LDLRAD3: variants seen among roughly 807,000 people sequenced by gnomAD.
The protein encoded by LDLRAD3 is low-density lipoprotein receptor class A domain-containing protein 3.
Under a neutral mutation model 29.4 loss-of-function variants are expected in LDLRAD3, and 20 were observed. The ratio of observed to expected loss-of-function variants is 0.68; its 90% CI spans 0.48 to 0.99. The LOEUF is 0.99. LDLRAD3 is among the 50% of genes least tolerant of loss of function. LDLRAD3 has a pLI of 0.00. For missense variants in LDLRAD3, 420 were observed against 454.3 expected, an observed-to-expected ratio of 0.92 and a Z score of 0.69; for synonymous variants, 157 against 192.7, an observed-to-expected ratio of 0.81 and a Z score of 1.53.
At position 35,954,848 on chromosome 11, in the gene LDLRAD3, C is replaced by T. The variant is rs151206833; in HGVS notation, c.46+10704C>T. ...TGTGACATATCAAAAGGGTTTCTGA[C>T]AGGCTAATGAAAACTGCTATGCATC... On this transcript the variant is annotated intron_variant, in intron 1 of 5. Transcript: ENST00000315571. Among the ~76,000 whole-genome samples the T allele has an allele frequency of 4.5e-3, 693 of 152,322 alleles. 6 individuals carry two copies. Among genetic ancestry groups the T allele is most frequent in the African/African-American group, 0.016 (653 of 41,572 alleles).
At chr11:35,954,839 G>A (rs1479625394) in intron 1 of LDLRAD3, among the ~76,000 whole-genome samples, 1 of 152,122 alleles carries the variant, frequency 6.6e-6, no homozygotes, top group African/African-American at 2.4e-5. Context: ...ATATCAAAAG[G>A]GTTTCTGACA....
chr11:35,985,504 G>A (rs980331681), intron 1 of LDLRAD3, among the ~76,000 whole-genome samples: 3 of 152,072 alleles, frequency 2.0e-5, no homozygotes, highest in African/African-American at 7.2e-5. Flanking sequence ...TCAGTCTCTT[G>A]GTCCCTGAGG....
chr11:36,061,008 G>T (rs1479298054), intron 2 of LDLRAD3, among the ~76,000 whole-genome samples: 1 of 152,196 alleles, frequency 6.6e-6, no homozygotes, highest in African/African-American at 2.4e-5. Flanking sequence ...GTGCAGTGTT[G>T]GTAATCATTC....
intron 1 of LDLRAD3, among the ~76,000 whole-genome samples, chr11:35,950,736 C>A (rs1342786174): frequency 6.6e-6 from 1 of 152,126 alleles, no homozygotes; most frequent in Non-Finnish European, 1.5e-5. Context: ...GGGTGGCAAG[C>A]ACTGTACGTG....
chr11:36,179,221 C>A (rs1240506634), intron 4 of LDLRAD3, among the ~76,000 whole-genome samples: 1 of 152,092 alleles, frequency 6.6e-6, no homozygotes, highest in Non-Finnish European at 1.5e-5. Context: ...TGCCTGTAAT[C>A]CCAGCACTTT....
chr11:36,198,937 G>T (rs1855074987), intron 4 of LDLRAD3, among the ~76,000 whole-genome samples: 1 of 151,822 alleles, frequency 6.6e-6, no homozygotes, highest in Non-Finnish European at 1.5e-5. Context: ...GTCTCACTCT[G>T]TCGCCCAGGC....
intron 3 of LDLRAD3, among the ~76,000 whole-genome samples, chr11:36,085,865 C>T (rs1454759756): frequency 4.6e-5 from 7 of 151,976 alleles, no homozygotes; most frequent in Non-Finnish European, 5.9e-5. Context: ...GTGATCCGCC[C>T]GCCTCAGCCT....
At chr11:36,118,555 ACCTCATTTT>A (rs1853707306) in intron 4 of LDLRAD3, among the ~76,000 whole-genome samples, 1 of 151,884 alleles carries the variant, frequency 6.6e-6, no homozygotes. Context: ...GAAAAAAAAT[ACCTCATTTT>A]CTGCCAAGTA....
intron 4 of LDLRAD3, among the ~76,000 whole-genome samples, chr11:36,104,831 C>T (rs1378644685): frequency 1.3e-5 from 2 of 152,168 alleles, no homozygotes; most frequent in East Asian, 1.9e-4. Context: ...CCATAAGACT[C>T]CTGTCTGGTA....
intron 5 of LDLRAD3, 122 bp from the exon 6 acceptor site, chr11:36,229,038 A>G (rs1855536869): frequency 2.8e-6 from 2 of 726,700 alleles, no homozygotes; most frequent in South Asian, 1.7e-5. Flanking sequence ...GGAGGGAAAA[A>G]TCTCATTTCG....
intron 2 of LDLRAD3, among the ~76,000 whole-genome samples, chr11:36,053,610 A>G (rs1852561244): frequency 6.6e-6 from 1 of 152,238 alleles, no homozygotes; most frequent in African/African-American, 2.4e-5. Context: ...TGCCACTAGC[A>G]GCAGCAACAC....
chr11:35,966,357 G>A (rs911266091), intron 1 of LDLRAD3, among the ~76,000 whole-genome samples: 13 of 152,196 alleles, frequency 8.5e-5, no homozygotes, highest in African/African-American at 1.2e-4. Context: ...CCCGGGAGGC[G>A]GAGGTTGCAG....
chr11:36,009,920 T>C (rs2133186664), intron 1 of LDLRAD3, among the ~76,000 whole-genome samples: 1 of 152,346 alleles, frequency 6.6e-6, no homozygotes, highest in East Asian at 1.9e-4. Flanking sequence ...ATGATCGGAT[T>C]CTACTCCTTG....
chr11:36,053,572 A>G (rs1852560283), intron 2 of LDLRAD3, among the ~76,000 whole-genome samples: 1 of 152,174 alleles, frequency 6.6e-6, no homozygotes, highest in Admixed American at 6.5e-5. Context: ...AGTGCTTGGT[A>G]CAGTGCCTGG....
chr11:36,071,936 C>A (rs1215375895), intron 2 of LDLRAD3, among the ~76,000 whole-genome samples: 1 of 152,208 alleles, frequency 6.6e-6, no homozygotes. Context: ...CCAAAATGTC[C>A]ACAGAATACT....
chr11:35,986,915 G>A (rs1406842199), intron 1 of LDLRAD3, among the ~76,000 whole-genome samples: 1 of 152,206 alleles, frequency 6.6e-6, no homozygotes, highest in Non-Finnish European at 1.5e-5. Flanking sequence ...TAGAGAAAAT[G>A]AAGACTTGAG....
At chr11:36,181,894 G>A (rs1854769308) in intron 4 of LDLRAD3, among the ~76,000 whole-genome samples, 1 of 152,122 alleles carries the variant, frequency 6.6e-6, no homozygotes, top group Non-Finnish European at 1.5e-5. Context: ...CTCTGTTTCT[G>A]TCTCTGTCTC....
At chr11:35,981,234 CAGAG>C (rs951714735) in intron 1 of LDLRAD3, among the ~76,000 whole-genome samples, 20 of 151,540 alleles carry the variant, frequency 1.3e-4, no homozygotes, top group African/African-American at 4.6e-4. Flanking sequence ...GGGGCTGAGT[CAGAG>C]GGAGGGAGGG....
chr11:36,194,675 A>G (rs1028276008), intron 4 of LDLRAD3, among the ~76,000 whole-genome samples: 1 of 152,184 alleles, frequency 6.6e-6, no homozygotes, highest in African/African-American at 2.4e-5. Flanking sequence ...GAACTCAACC[A>G]TACCCCTACC....
Sources: gnomAD v4.1 joint callset for allele counts (sites outside exome capture counted in the v4.1 genomes callset) on GRCh38, gnomAD v4.1.1 for gene constraint, MANE v1.5 for transcripts, NCBI Gene and HGNC (gene_info 2026-07-23, HGNC 2026-07-21) for gene names.